SMTN: variants seen among roughly 807,000 people sequenced by gnomAD.
SMTN encodes the protein smoothelin.
Under a neutral mutation model 102.0 loss-of-function variants are expected in SMTN, and 58 were observed. That is an observed-to-expected ratio of 0.57 (90% CI 0.46 to 0.71). SMTN has a LOEUF of 0.71. Ranked by LOEUF, SMTN falls within the 30% of genes least tolerant of loss-of-function variation. The pLI, the probability that SMTN is intolerant of heterozygous loss-of-function variation, is 0.00. For synonymous variants in SMTN, 478 were observed against 497.9 expected (o/e 0.96, Z 0.53); for missense variants, 1,185 against 1,241.7 (o/e 0.95, Z 0.69).
Position 31,088,076 on chromosome 22 carries a change from C to A in SMTN, c.163C>A (p.Arg55Ser). 1 of 1,609,294 alleles carries A rather than the reference C, an allele frequency of 6.2e-7. No individual in the cohort carries two copies. Among genetic ancestry groups the A allele is most frequent in the Non-Finnish European group, 8.5e-7 (1 of 1,176,760 alleles). The change falls in exon 3 of 21, where the codon CGT (arginine) becomes AGT (serine). Residue 55 changes from arginine (R) to serine (S), a missense_variant. Transcript: ENST00000333137. ...GGAGGCCCTGGCATCCAAGCGTTTC[C>A]GTGCCGAGCGGCAGGACAACAAGGA... The part of the protein sequence containing the change: ...EEEALASKRF[R>S]AERQDNKENW...
chr22:31,089,554 T>A, intron 6 of SMTN, 145 bp from the exon 7 acceptor site: 1 of 708,438 alleles, frequency 1.4e-6, no homozygotes, highest in East Asian at 2.5e-5. Flanking sequence ...GTGCCAGTGC[T>A]TGCGCAGGTG....
At position 31,095,315 on chromosome 22, in the gene SMTN, C is replaced by T; in HGVS notation, c.1645C>T (p.Pro549Ser). The T allele has an allele frequency of 1.2e-6, 2 of 1,613,834 alleles. No individual in the cohort carries two copies. The highest frequency in any genetic ancestry group is 8.5e-7 in the Non-Finnish European group (1 of 1,180,000). ...CCCCACCCTGCAGATGGAAGCAGAG[C>T]CAGCAGAGCCTCTCGCTGCAGCAGT... ...GGCSIKMEAE[P>S]AEPLAAAVEA... The change falls in exon 12 of 21, where the codon CCA (proline) becomes TCA (serine). Residue 549 changes from proline to serine, a missense_variant. Around this residue, in one of 2 missense-constraint regions of SMTN, gnomAD observed 1,096 missense variants for 1,112.7 expected, o/e 0.98. Transcript: ENST00000333137. This position sits in a 1 kb window ranked among gnomAD's most constrained non-coding sequence, Gnocchi z 4.1.
In SMTN at chr22:31,085,115, C is replaced by T. The variant is rs375424003; in HGVS notation, c.51+1806C>T. The T allele has an allele frequency of 1.1e-5, 17 of 1,535,364 alleles. No individual in the cohort carries two copies. In the African/African-American group the frequency reaches 2.2e-4, roughly 20 times the overall value. Reference sequence around the variant, plus strand: ...GCCTGGGGACTTGCACGCCGCGTGCCCCTCCACCACCCGCCGGGACGCCCT... The same window carrying T: ...GCCTGGGGACTTGCACGCCGCGTGCTCCTCCACCACCCGCCGGGACGCCCT... On this transcript the variant is annotated intron_variant, in intron 2 of 20. Coordinates refer to ENST00000333137, the MANE Select transcript of SMTN (RefSeq NM_134269.3).
In SMTN at chr22:31,088,271, G is replaced by A. The variant is rs2042850510; in HGVS notation, c.200+158G>A. The A allele has an allele frequency of 4.2e-6, 4 of 960,042 alleles. No individual in the cohort carries two copies. In the South Asian group the frequency reaches 6.8e-5, roughly 16 times the overall value. 59.5% of individuals were successfully genotyped at this position (960,042 alleles called of 1,614,324 possible). A position where few individuals can be genotyped will look rare whatever the true frequency, so the allele number is the denominator to read the frequency against. Reference sequence around the variant, plus strand: ...CTTCTGGAAAAACAGAGATGTTTGTGGGCATGGAGCATGTACTGATTGTGG... The same window carrying A: ...CTTCTGGAAAAACAGAGATGTTTGTAGGCATGGAGCATGTACTGATTGTGG... On this transcript the variant is annotated intron_variant, in intron 3 of 20. Transcript: ENST00000333137.
Position 31,098,789 on chromosome 22 carries a change from C to T in SMTN, c.2282C>T (p.Ser761Phe), listed in dbSNP as rs1416947889. Residue 761 changes from serine to phenylalanine, a missense_variant, in exon 17 of 21, where the codon TCC (serine) becomes TTC (phenylalanine). By Grantham distance (155) the Ser-to-Phe change is radical (BLOSUM62 -2). Transcript: ENST00000333137. Reference protein sequence around the residue: ...KAQSLPKTSASQARKAMIEKL... With the variant: ...KAQSLPKTSAFQARKAMIEKL... ...CAGAGTCTGCCCAAGACCTCAGCCT[C>T]CCAGGCGCGCAAGGCCATGATTGAG... The T allele has an allele frequency of 1.2e-6, 2 of 1,612,906 alleles. No individual in the cohort carries two copies. The highest frequency in any genetic ancestry group is 1.1e-5 in the South Asian group (1 of 91,020).
chr22:31,072,191 A>G (rs1431247612), intron 1 of SMTN, among the ~76,000 whole-genome samples: 1 of 152,158 alleles, frequency 6.6e-6, no homozygotes, highest in African/African-American at 2.4e-5. Context: ...CAGGATCCCC[A>G]TCCCATGCAA....
intron 2 of SMTN, among the ~76,000 whole-genome samples, chr22:31,086,929 G>A (rs1421938970): frequency 3.3e-5 from 5 of 151,980 alleles, no homozygotes; most frequent in South Asian, 2.1e-4. Flanking sequence ...AAGGAATGAC[G>A]GGGGGGCGCT....
rs1167513977 is a variant in SMTN, at chr22:31,099,440, CT to C, written c.2451+262del. On this transcript the variant is annotated intron_variant, in intron 18 of 20. Transcript: ENST00000333137. Reference sequence around the variant, plus strand: ...GGCCGGATCCCACTCTTGGAGTCCCCTCCTTGTTGCTCTGTAGGAGGCCCTG... The same window carrying C: ...GGCCGGATCCCACTCTTGGAGTCCCCCCTTGTTGCTCTGTAGGAGGCCCTG... 5 of 587,016 alleles carry C rather than the reference CT, an allele frequency of 8.5e-6. No homozygotes were observed. The Admixed American group carries it at 1.6e-4, about 18-fold the overall frequency. The allele number at this position is 587,016 out of a possible 1,614,324, so 36.4% of individuals were successfully genotyped here.
Position 31,095,207 on chromosome 22 carries a change from C to G in SMTN, c.1633-96C>G, listed in dbSNP as rs572666147. ...GGCTAGTGGTTATTTCCAAGGCGTG[C>G]CAGCAACCCTAGGATCTGCTTCCCT... On this transcript the variant is annotated intron_variant, in intron 11 of 20. Transcript: ENST00000333137. The surrounding 1 kb of genome is among the most constrained non-coding windows in gnomAD (Gnocchi z 4.1). 4 of 1,324,866 alleles carry G rather than the reference C, an allele frequency of 3.0e-6. No individual in the cohort carries two copies. The highest frequency in any genetic ancestry group is 4.2e-6 in the Non-Finnish European group (4 of 957,506). 82.1% of individuals were successfully genotyped at this position (1,324,866 alleles called of 1,614,324 possible). A position where few individuals can be genotyped will look rare whatever the true frequency, so the allele number is the denominator to read the frequency against.
intron 8 of SMTN, among the ~76,000 whole-genome samples, chr22:31,090,392 C>A (rs956983511): frequency 6.6e-6 from 1 of 151,532 alleles, no homozygotes; most frequent in African/African-American, 2.4e-5. Flanking sequence ...TCCCCTGCAG[C>A]CTTGAAAGGC....
chr22:31,092,097 T>C (rs1602638284), intron 11 of SMTN, among the ~76,000 whole-genome samples: 1 of 152,208 alleles, frequency 6.6e-6, no homozygotes, highest in East Asian at 1.9e-4. Flanking sequence ...TCCTGGATGC[T>C]GATCTCTGAT....
At position 31,096,861 on chromosome 22, in the gene SMTN, A is replaced by G. The variant is rs374002702; in HGVS notation, c.1990A>G (p.Ser664Gly). Reference protein sequence around the residue: ...SQRAADGSAVSTVTKTERLVH... With the variant: ...SQRAADGSAVGTVTKTERLVH... ...GCGGGCAGCTGATGGCTCTGCTGTC[A>G]GCACTGTTACCAAGACTGAGCGGCT... The change falls in exon 14 of 21, where the codon AGC becomes GGC. Residue 664 changes from serine to glycine, a missense_variant. Coordinates refer to ENST00000333137, the MANE Select transcript of SMTN (RefSeq NM_134269.3). 11 of 1,580,598 alleles carry G rather than the reference A, an allele frequency of 7.0e-6. No individual in the cohort carries two copies. The highest frequency in any genetic ancestry group is 1.3e-5 in the African/African-American group (1 of 74,310).
chr22:31,083,406 G>A, intron 2 of SMTN, 97 bp downstream of exon 2: 1 of 1,388,946 alleles, frequency 7.2e-7, no homozygotes, highest in South Asian at 1.5e-5. Flanking sequence ...AGAAGTGATG[G>A]GGGAAAGGTC....
At chr22:31,084,934 C>T (rs2042564391) in intron 2 of SMTN, 2 of 1,355,442 alleles carry the variant, frequency 1.5e-6, no homozygotes, top group South Asian at 1.7e-5. Context: ...GAGCCGGGCT[C>T]CTCCCCGCGG....
intron 2 of SMTN, chr22:31,087,103 C>T (rs1435635829): frequency 6.6e-6 from 1 of 152,296 alleles, no homozygotes; most frequent in Non-Finnish European, 1.5e-5. Flanking sequence ...GGCCAGTCCT[C>T]TCTCCCTTGA....
At chr22:31,085,185 G>A in intron 2 of SMTN, 1 of 1,535,482 alleles carries the variant, frequency 6.5e-7, no homozygotes, top group Non-Finnish European at 8.7e-7. Flanking sequence ...CACTCAGCTG[G>A]GTGTCCTGGG....
chr22:31,069,907 A>G (rs2041956816), intron 1 of SMTN, among the ~76,000 whole-genome samples: 1 of 152,184 alleles, frequency 6.6e-6, no homozygotes, highest in African/African-American at 2.4e-5. Context: ...TGTTGACATT[A>G]GATTAACTAA....
At position 31,091,345 on chromosome 22, in the gene SMTN, G is replaced by A. The variant is rs1396039270; in HGVS notation, c.1322G>A (p.Gly441Asp). 6.2e-7 allele frequency: 1 copy of A among 1,606,428 alleles called. No homozygotes were observed. The highest frequency in any genetic ancestry group is 2.2e-5 in the East Asian group (1 of 44,864). ...CCTGTGGCACGTTCAGAGGAGCCTG[G>A]TGCCCCGCTGCCCGTGGCCGTCGGC... Reference protein sequence around the residue: ...GGPVARSEEPGAPLPVAVGTA... With the variant: ...GGPVARSEEPDAPLPVAVGTA... Residue 441 changes from glycine to aspartate, a missense_variant, in exon 10 of 21, where the codon GGT becomes GAT. This residue lies in a region of SMTN where 1,096 missense variants were observed against 1,112.7 expected (regional missense o/e 0.98). Transcript: ENST00000333137.
Position 31,096,772 on chromosome 22 carries a change from C to A in SMTN, c.1901C>A (p.Ala634Glu). ...GAGCGGGAACGGCGGCTGCAGGAGG[C>A]ACGGGGCCGGCCAGGGGAGGGGCGC... ...DKERERRLQEARGRPGEGRGN... is the reference protein window; with the variant it reads ...DKERERRLQEERGRPGEGRGN... The change falls in exon 14 of 21, where the codon GCA (alanine) becomes GAA (glutamate). Residue 634 changes from alanine (A) to glutamate (E), a missense_variant. Around this residue, in one of 2 missense-constraint regions of SMTN, gnomAD observed 1,096 missense variants for 1,112.7 expected, o/e 0.98. Transcript: ENST00000333137. 6.4e-7 allele frequency: 1 copy of A among 1,559,998 alleles called. No homozygotes were observed. Among genetic ancestry groups the A allele is most frequent in the South Asian group, 1.2e-5 (1 of 82,912 alleles).
Sources: allele counts gnomAD v4.1 joint callset (sites outside exome capture counted in the v4.1 genomes callset), GRCh38; gene constraint gnomAD v4.1.1; regional missense constraint gnomAD v4.1.1; non-coding constraint Gnocchi (gnomAD v3.1); transcripts MANE v1.5; gene names NCBI Gene and HGNC (gene_info 2026-07-23, HGNC 2026-07-21).